The following ATP8A2 variants were observed in gnomAD, a reference collection of about 807,000 sequenced individuals.
ATP8A2 encodes phospholipid-transporting ATPase IB.
ATP8A2 carries 100 observed loss-of-function variants against 165.6 expected under a neutral mutation model. The observed-to-expected ratio is 0.60, with a 90% CI of 0.51 to 0.71. ATP8A2 has a LOEUF of 0.71. Ranked by LOEUF, ATP8A2 falls within the 30% of genes least tolerant of loss-of-function variation. The probability of loss-of-function intolerance (pLI) is 0.00; values close to 1 mark genes in which losing one functional copy is unlikely to be tolerated. For missense variants in ATP8A2, 1,227 were observed against 1,479.5 expected (o/e 0.83, Z 2.80); for synonymous variants, 543 against 548.8 (o/e 0.99, Z 0.15).
intron 24 of ATP8A2, among the ~76,000 whole-genome samples, chr13:25,654,747 A>G (rs946318446): frequency 6.6e-6 from 1 of 152,098 alleles, no homozygotes; most frequent in South Asian, 2.1e-4. Flanking sequence ...TTCTGCCTTC[A>G]TTGTCACTGG....
chr13:25,571,464 C>T (rs933634401), intron 17 of ATP8A2, 146 bp from the exon 18 acceptor site: 14 of 605,504 alleles, frequency 2.3e-5, no homozygotes, highest in Non-Finnish European at 4.1e-5. Context: ...AAAGCAAGTG[C>T]TTCTCTATCC....
intron 27 of ATP8A2, among the ~76,000 whole-genome samples, chr13:25,816,077 G>C (rs1476166876): frequency 6.6e-6 from 1 of 152,116 alleles, no homozygotes; most frequent in Non-Finnish European, 1.5e-5. Context: ...AAAAAGTCCT[G>C]GAGATGGATG....
intron 2 of ATP8A2, among the ~76,000 whole-genome samples, chr13:25,474,605 A>T (rs2035942011): frequency 6.6e-6 from 1 of 152,000 alleles, no homozygotes; most frequent in South Asian, 2.1e-4. Flanking sequence ...TTACAGAAAA[A>T]GGAATTGAGC....
At chr13:25,775,003 A>C in intron 27 of ATP8A2, 44 bp downstream of exon 27, 1 of 1,122,430 alleles carries the variant, frequency 8.9e-7, no homozygotes, top group East Asian at 2.4e-5. Flanking sequence ...AGTTCTTTTA[A>C]GAGGATATCT....
At chr13:25,976,039 T>C (rs1345837042) in intron 35 of ATP8A2, among the ~76,000 whole-genome samples, 1 of 152,186 alleles carries the variant, frequency 6.6e-6, no homozygotes, top group Non-Finnish European at 1.5e-5. Flanking sequence ...AGCATTTGGT[T>C]TCTGTGTTCC....
At position 25,807,773 on chromosome 13, in the gene ATP8A2, T is replaced by C. The variant is rs569512811; in HGVS notation, c.2680-20345T>C. Among the ~76,000 whole-genome samples the C allele has an allele frequency of 2.6e-5, 4 of 152,218 alleles. No homozygotes were observed. The East Asian group carries it at 5.8e-4, about 22-fold the overall frequency. On this transcript the variant is annotated intron_variant, in intron 27 of 36. Transcript: ENST00000381655. ...TTCTTTTTTTAACTCACTCTGCTCA[T>C]GTTACTTCTTTTCCTGTGCACTCGA...
intron 25 of ATP8A2, among the ~76,000 whole-genome samples, chr13:25,758,185 C>A (rs2044304344): frequency 1.3e-5 from 2 of 152,060 alleles, no homozygotes; most frequent in Admixed American, 6.6e-5. Context: ...CCCTTTTGAT[C>A]AAAAACTGCA....
intron 27 of ATP8A2, among the ~76,000 whole-genome samples, chr13:25,826,028 G>A (rs940019936): frequency 3.3e-5 from 5 of 152,164 alleles, no homozygotes; most frequent in Non-Finnish European, 7.4e-5. Flanking sequence ...GAGATCCATT[G>A]TGCAGTGTGG....
chr13:25,878,723 G>A (rs557747241), intron 33 of ATP8A2, among the ~76,000 whole-genome samples: 34 of 152,162 alleles, frequency 2.2e-4, no homozygotes, highest in African/African-American at 8.0e-4. Flanking sequence ...AGTTGCTGTG[G>A]TTCAAACGCC....
chr13:25,709,030 A>G (rs2043107377), intron 25 of ATP8A2, among the ~76,000 whole-genome samples: 1 of 151,898 alleles, frequency 6.6e-6, no homozygotes, highest in Non-Finnish European at 1.5e-5. Context: ...CTTGTTAACC[A>G]GTTAACTGAG....
At chr13:25,512,174 A>G (rs2037249733) in intron 2 of ATP8A2, among the ~76,000 whole-genome samples, 1 of 151,124 alleles carries the variant, frequency 6.6e-6, no homozygotes, top group African/African-American at 2.4e-5. Flanking sequence ...TGGACACAGC[A>G]CATGTTTCAG....
At chr13:25,989,774 C>T (rs530463700) in intron 35 of ATP8A2, among the ~76,000 whole-genome samples, 1 of 152,258 alleles carries the variant, frequency 6.6e-6, no homozygotes, top group East Asian at 1.9e-4. Flanking sequence ...CTCCTCACTT[C>T]CACCTACTTG....
At chr13:25,556,585 G>A (rs1035963609) in intron 13 of ATP8A2, among the ~76,000 whole-genome samples, 2 of 152,102 alleles carry the variant, frequency 1.3e-5, no homozygotes, top group African/African-American at 4.8e-5. Context: ...TCTGTTGGTA[G>A]TTTCTTTTGT....
chr13:25,818,185 G>T (rs1023772541), intron 27 of ATP8A2, among the ~76,000 whole-genome samples: 12 of 152,070 alleles, frequency 7.9e-5, no homozygotes, highest in Non-Finnish European at 1.8e-4. Flanking sequence ...GCATTTTGTT[G>T]TACAAAATGG....
Position 25,811,898 on chromosome 13 carries a change from A to C in ATP8A2, c.2680-16220A>C, listed in dbSNP as rs369150612. 1.2e-4 allele frequency among the ~76,000 whole-genome samples: 19 copies of C among 152,282 alleles called. 1 individual carries two copies. In the South Asian group the frequency reaches 3.1e-3, roughly 25 times the overall value. On this transcript the variant is annotated intron_variant, in intron 27 of 36. Coordinates refer to ENST00000381655, the MANE Select transcript of ATP8A2 (RefSeq NM_016529.6). ...ATTGTTTCTTCTGGAAGTTGTCTTC[A>C]TATCTCTGAATATGTGTGCCTATTT...
chr13:25,824,919 A>G (rs1027532087), intron 27 of ATP8A2, among the ~76,000 whole-genome samples: 2 of 151,634 alleles, frequency 1.3e-5, no homozygotes, highest in Non-Finnish European at 2.9e-5. Context: ...CCTGACCTCT[A>G]TATTTTATCT....
chr13:25,733,608 G>T (rs1473277790), intron 25 of ATP8A2, among the ~76,000 whole-genome samples: 1 of 152,082 alleles, frequency 6.6e-6, no homozygotes, highest in African/African-American at 2.4e-5. Context: ...AATTTATTCT[G>T]CTCTTCATGC....
intron 24 of ATP8A2, among the ~76,000 whole-genome samples, chr13:25,631,003 CTG>C (rs2041228114): frequency 6.6e-6 from 1 of 152,132 alleles, no homozygotes; most frequent in African/African-American, 2.4e-5. Flanking sequence ...GCCTGGGTGT[CTG>C]TATTGTCATA....
At chr13:25,690,371 T>C (rs1023725614) in intron 24 of ATP8A2, among the ~76,000 whole-genome samples, 2 of 151,926 alleles carry the variant, frequency 1.3e-5, no homozygotes, top group Admixed American at 6.6e-5. Flanking sequence ...AAAACGTGGG[T>C]TTTTAAGAAA....
Sources: allele counts gnomAD v4.1 joint callset (sites outside exome capture counted in the v4.1 genomes callset), GRCh38; gene constraint gnomAD v4.1.1; transcripts MANE v1.5; gene names NCBI Gene and HGNC (gene_info 2026-07-23, HGNC 2026-07-21).